The following RORB variants were observed in gnomAD, a reference collection of about 807,000 sequenced individuals.
The protein encoded by RORB is RAR related orphan receptor B.
RORB carries 6 observed loss-of-function variants against 59.1 expected under a neutral mutation model. That is an observed-to-expected ratio of 0.10 (90% CI 0.06 to 0.20). The LOEUF (loss-of-function observed/expected upper bound fraction) is 0.20, where lower values mean the gene tolerates loss of function less well. Ranked by LOEUF, RORB falls within the 10% of genes least tolerant of loss-of-function variation. The pLI is 1.00. For missense variants in RORB, 320 were observed against 560.5 expected (o/e 0.57, Z 4.33); for synonymous variants, 215 against 204.5 (o/e 1.05, Z -0.44).
intron 1 of RORB, among the ~76,000 whole-genome samples, chr9:74,553,080 CT>C (rs1164024533): frequency 2.0e-5 from 3 of 151,998 alleles, no homozygotes; most frequent in African/African-American, 7.3e-5. Flanking sequence ...GGGAAGGAGC[CT>C]TGATAAAGAG....
chr9:74,657,578 G>C (rs1459793679), intron 4 of RORB, among the ~76,000 whole-genome samples: 1 of 152,048 alleles, frequency 6.6e-6, no homozygotes, highest in African/African-American at 2.4e-5. Context: ...CAAGACCCAG[G>C]CAACTCCTCT....
intron 1 of RORB, among the ~76,000 whole-genome samples, chr9:74,563,429 C>T (rs1360669719): frequency 6.6e-6 from 1 of 152,142 alleles, no homozygotes; most frequent in Non-Finnish European, 1.5e-5. Flanking sequence ...TGTGATCCAC[C>T]TGCCTTGGCC....
intron 3 of RORB, among the ~76,000 whole-genome samples, chr9:74,637,105 G>A (rs924837044): frequency 2.6e-5 from 4 of 152,160 alleles, no homozygotes; most frequent in Non-Finnish European, 5.9e-5. Flanking sequence ...GATTCAGCAA[G>A]TATTCTTAAA....
At chr9:74,656,354 C>G (rs968212251) in intron 4 of RORB, among the ~76,000 whole-genome samples, 4 of 152,182 alleles carry the variant, frequency 2.6e-5, no homozygotes, top group African/African-American at 9.7e-5. Flanking sequence ...TTCCTCATAG[C>G]TGGTGTGAAT....
chr9:74,578,023 C>T (rs1024610749), intron 1 of RORB, among the ~76,000 whole-genome samples: 1 of 151,970 alleles, frequency 6.6e-6, no homozygotes, highest in South Asian at 2.1e-4. Context: ...CCTACCCACC[C>T]TCCCATTTTA....
chr9:74,508,900 GCTCTCTCT>G (rs71977081), intron 1 of RORB, among the ~76,000 whole-genome samples: 13 of 148,542 alleles, frequency 8.8e-5, no homozygotes, highest in African/African-American at 1.5e-4. Context: ...ATTAATCTAT[GCTCTCTCT>G]CTCTCTCTCT....
At chr9:74,672,145 A>G (rs1824357057) in intron 9 of RORB, among the ~76,000 whole-genome samples, 1 of 152,212 alleles carries the variant, frequency 6.6e-6, no homozygotes. Context: ...GGACAAATCA[A>G]TGAAACCAAG....
In RORB at chr9:74,686,858, A is replaced by C. The variant is rs41287419; in HGVS notation, c.*1240A>C. 11,605 of 152,586 alleles carry C rather than the reference A, an allele frequency of 0.076. 509 individuals carry two copies. The highest frequency in any genetic ancestry group is 0.095 in the African/African-American group (3,965 of 41,538). The allele number at this position is 152,586 out of a possible 1,614,324, so 9.5% of individuals were successfully genotyped here. A position where few individuals can be genotyped will look rare whatever the true frequency, so the allele number is the denominator to read the frequency against. ...ATAAAATGCTATAATATAAAAATGT[A>C]GCAAAAACTTGACAGACTAGAAAAA... On this transcript the variant is annotated 3_prime_UTR_variant, in exon 10 of 10. Transcript: ENST00000376896.
At chr9:74,517,950 T>C (rs1182421977) in intron 1 of RORB, among the ~76,000 whole-genome samples, 1 of 152,014 alleles carries the variant, frequency 6.6e-6, no homozygotes, top group Non-Finnish European at 1.5e-5. Flanking sequence ...TTTATCCCCA[T>C]GTCACAGGTG....
intron 1 of RORB, among the ~76,000 whole-genome samples, chr9:74,520,797 G>C (rs934436991): frequency 6.6e-6 from 1 of 151,554 alleles, no homozygotes; most frequent in East Asian, 1.9e-4. Context: ...CATCTTGCCT[G>C]ATAATGAGCT....
intron 1 of RORB, among the ~76,000 whole-genome samples, chr9:74,592,528 A>C (rs1267995408): frequency 6.6e-6 from 1 of 152,168 alleles, no homozygotes; most frequent in East Asian, 1.9e-4. Context: ...GATGGGGAGA[A>C]GAGTACTTCA....
At chr9:74,685,328 G>T in intron 9 of RORB, 135 bp from the exon 10 acceptor site, 1 of 695,036 alleles carries the variant, frequency 1.4e-6, no homozygotes, top group Non-Finnish European at 2.3e-6. Context: ...AGCTGAAAGT[G>T]CGCCTTCTTT....
At chr9:74,589,837 G>A (rs1822859687) in intron 1 of RORB, among the ~76,000 whole-genome samples, 1 of 151,956 alleles carries the variant, frequency 6.6e-6, no homozygotes, top group Non-Finnish European at 1.5e-5. Flanking sequence ...CACCAGGTTG[G>A]GTCTCCAGTT....
chr9:74,638,581 T>A (rs1173447845), intron 3 of RORB, among the ~76,000 whole-genome samples: 1 of 152,244 alleles, frequency 6.6e-6, no homozygotes, highest in Non-Finnish European at 1.5e-5. Context: ...TTAAAATATA[T>A]GCCAGTCTGA....
chr9:74,688,197 A>G lies in RORB; in HGVS notation c.*2579A>G, dbSNP rs1824678020. On this transcript the variant is annotated 3_prime_UTR_variant, in exon 10 of 10. Transcript: ENST00000376896. ...GCATGGACCTTTTGAAGCTGGGAGG[A>G]AGGAAACAGAGCTAGCATCTGAACC... 1 of 152,198 alleles carries G rather than the reference A, an allele frequency of 6.6e-6. No individual in the cohort carries two copies. The highest frequency in any genetic ancestry group is 1.5e-5 in the Non-Finnish European group (1 of 68,070). 9.4% of individuals were successfully genotyped at this position (152,198 alleles called of 1,614,324 possible). A position where few individuals can be genotyped will look rare whatever the true frequency, so the allele number is the denominator to read the frequency against.
At chr9:74,625,966 G>A (rs567618857) in intron 1 of RORB, among the ~76,000 whole-genome samples, 80 of 152,186 alleles carry the variant, frequency 5.3e-4, no homozygotes, top group Non-Finnish European at 9.1e-4. Context: ...TTGAATCAAT[G>A]TGATGCATTT....
intron 1 of RORB, among the ~76,000 whole-genome samples, chr9:74,629,592 A>G (rs987983044): frequency 6.6e-6 from 1 of 152,116 alleles, no homozygotes; most frequent in South Asian, 2.1e-4. Flanking sequence ...TTCATCTCCA[A>G]TGAAACTATT....
rs532848686 is a variant in RORB, at chr9:74,625,260, G to T, written c.8-5022G>T. Among the ~76,000 whole-genome samples the T allele has an allele frequency of 8.9e-4, 135 of 152,266 alleles. 1 individual carries two copies. The Middle Eastern group carries it at 0.017, about 19-fold the overall frequency. On this transcript the variant is annotated intron_variant, in intron 1 of 9. Coordinates refer to ENST00000376896, the MANE Select transcript of RORB (RefSeq NM_006914.4). ...GTCTCATCATATACAAGAATCACTTGGGGGCCTTTTCCAAAATATATATCC... is the reference window on the plus strand; with the variant it reads ...GTCTCATCATATACAAGAATCACTTTGGGGCCTTTTCCAAAATATATATCC...
chr9:74,564,566 G>C (rs994070189), intron 1 of RORB, among the ~76,000 whole-genome samples: 1 of 152,094 alleles, frequency 6.6e-6, no homozygotes, highest in African/African-American at 2.4e-5. Flanking sequence ...TGTATCTCTT[G>C]GTTGCTCTGT....
Sources: gnomAD v4.1 joint callset for allele counts (sites outside exome capture counted in the v4.1 genomes callset) on GRCh38, gnomAD v4.1.1 for gene constraint, MANE v1.5 for transcripts, NCBI Gene and HGNC (gene_info 2026-07-23, HGNC 2026-07-21) for gene names.